DOK5: variants seen among roughly 807,000 people sequenced by gnomAD.
The protein encoded by DOK5 is docking protein 5, also known as downstream of tyrosine kinase 5.
DOK5 carries 27 observed loss-of-function variants against 43.3 expected under a neutral mutation model. The observed-to-expected ratio is 0.62, with a 90% CI of 0.46 to 0.86. The LOEUF (loss-of-function observed/expected upper bound fraction) is 0.86. Among genes scored for constraint, DOK5 ranks in the 40% least tolerant of loss-of-function variants. The probability of loss-of-function intolerance (pLI) is 0.00; values close to 1 mark genes in which losing one functional copy is unlikely to be tolerated. For missense variants in DOK5, 373 were observed against 392.9 expected (o/e 0.95, Z 0.43); for synonymous variants, 146 against 140.1 (o/e 1.04, Z -0.30).
chr20:54,478,539 T>A (rs1981531960), intron 1 of DOK5, among the ~76,000 whole-genome samples: 1 of 152,214 alleles, frequency 6.6e-6, no homozygotes. Context: ...TAGGAACTAA[T>A]ACAACAGCAT....
At chr20:54,571,228 C>T (rs1049758681) in intron 2 of DOK5, among the ~76,000 whole-genome samples, 2 of 152,126 alleles carry the variant, frequency 1.3e-5, no homozygotes, top group Non-Finnish European at 2.9e-5. Context: ...TTTTATTCCT[C>T]TTTATTCTTA....
chr20:54,617,367 G>T (rs147920053), intron 6 of DOK5, among the ~76,000 whole-genome samples: 1 of 151,644 alleles, frequency 6.6e-6, no homozygotes, highest in African/African-American at 2.4e-5. Context: ...GTCTTGCTCT[G>T]TTACCCAGGC....
intron 5 of DOK5, 117 bp downstream of exon 5, chr20:54,591,922 C>T: frequency 1.2e-6 from 1 of 832,866 alleles, no homozygotes; most frequent in Middle Eastern, 2.4e-4. Flanking sequence ...CTGAAGTACA[C>T]TTGAGGAAAT....
At chr20:54,608,109 G>A (rs896185059) in intron 5 of DOK5, among the ~76,000 whole-genome samples, 6 of 151,956 alleles carry the variant, frequency 3.9e-5, no homozygotes, top group South Asian at 2.1e-4. Context: ...TTCCTACGGC[G>A]GGTTGCAGTT....
chr20:54,536,493 A>T (rs1215855639), intron 1 of DOK5, among the ~76,000 whole-genome samples: 1 of 152,210 alleles, frequency 6.6e-6, no homozygotes, highest in Non-Finnish European at 1.5e-5. Context: ...CATTGCATGT[A>T]AATCAAACCT....
At chr20:54,563,771 C>T (rs931442887) in intron 2 of DOK5, among the ~76,000 whole-genome samples, 3 of 148,866 alleles carry the variant, frequency 2.0e-5, no homozygotes, top group Non-Finnish European at 4.4e-5. Flanking sequence ...TCGAGAGAAA[C>T]TGGAAGCAAA....
At chr20:54,509,507 A>G (rs926806806) in intron 1 of DOK5, among the ~76,000 whole-genome samples, 1 of 152,188 alleles carries the variant, frequency 6.6e-6, no homozygotes, top group Non-Finnish European at 1.5e-5. Context: ...AAAGATTTTA[A>G]TATATTTTCA....
At chr20:54,649,111 C>T (rs1270986445) in intron 7 of DOK5, among the ~76,000 whole-genome samples, 1 of 152,192 alleles carries the variant, frequency 6.6e-6, no homozygotes, top group Non-Finnish European at 1.5e-5. Context: ...TCCATGTAGC[C>T]TTATGGGGTT....
chr20:54,587,864 A>T (rs887824269), intron 2 of DOK5, among the ~76,000 whole-genome samples: 3 of 152,236 alleles, frequency 2.0e-5, no homozygotes, highest in Non-Finnish European at 2.9e-5. Flanking sequence ...GGAGTAAGTT[A>T]GAGACAGTGG....
chr20:54,585,344 A>G (rs1985770233), intron 2 of DOK5, among the ~76,000 whole-genome samples: 1 of 152,192 alleles, frequency 6.6e-6, no homozygotes, highest in South Asian at 2.1e-4. Context: ...CCAATTTCCT[A>G]AATGGGTAAT....
chr20:54,523,946 T>C (rs1226350319), intron 1 of DOK5, among the ~76,000 whole-genome samples: 1 of 152,178 alleles, frequency 6.6e-6, no homozygotes, highest in Non-Finnish European at 1.5e-5. Flanking sequence ...GAATTTTTTC[T>C]GCCTGCAGAA....
At chr20:54,496,542 T>C (rs1423713785) in intron 1 of DOK5, among the ~76,000 whole-genome samples, 6 of 151,670 alleles carry the variant, frequency 4.0e-5, no homozygotes, top group East Asian at 1.9e-4. Context: ...CCAAGGCGGG[T>C]GGATCAGGAG....
intron 5 of DOK5, among the ~76,000 whole-genome samples, chr20:54,603,646 G>A (rs186549842): frequency 6.6e-6 from 1 of 152,248 alleles, no homozygotes; most frequent in East Asian, 1.9e-4. Flanking sequence ...AGTAGAGGCC[G>A]GGGATGCTGC....
At chr20:54,554,911 C>A (rs1984657846) in intron 1 of DOK5, 22 bp from the exon 2 acceptor site, 1 of 1,472,052 alleles carries the variant, frequency 6.8e-7, no homozygotes, top group African/African-American at 1.4e-5. Flanking sequence ...ATGCTGAGCT[C>A]AGTCTTTGTA....
intron 1 of DOK5, among the ~76,000 whole-genome samples, chr20:54,536,330 T>C (rs900307138): frequency 2.0e-5 from 3 of 152,170 alleles, no homozygotes; most frequent in Admixed American, 2.0e-4. Context: ...ATTGTCTCCA[T>C]CAACTCTGAC....
intron 6 of DOK5, among the ~76,000 whole-genome samples, chr20:54,639,839 G>C (rs1979019835): frequency 6.6e-6 from 1 of 152,184 alleles, no homozygotes; most frequent in Non-Finnish European, 1.5e-5. Flanking sequence ...CAAACTTCTA[G>C]ATAAAGACAA....
At chr20:54,566,988 A>G (rs1180826241) in intron 2 of DOK5, among the ~76,000 whole-genome samples, 1 of 152,006 alleles carries the variant, frequency 6.6e-6, no homozygotes, top group East Asian at 1.9e-4. Context: ...TCTTCTATGA[A>G]ATGTCTCTTT....
intron 1 of DOK5, among the ~76,000 whole-genome samples, chr20:54,501,877 A>C (rs1982622761): frequency 6.6e-6 from 1 of 152,218 alleles, no homozygotes; most frequent in Non-Finnish European, 1.5e-5. Context: ...AAGACACTTA[A>C]TATTGGTTTC....
At chr20:54,574,246 A>C (rs1159374140) in intron 2 of DOK5, among the ~76,000 whole-genome samples, 1 of 152,094 alleles carries the variant, frequency 6.6e-6, no homozygotes, top group Non-Finnish European at 1.5e-5. Flanking sequence ...CCTTCTCAAT[A>C]GGACTAGATA....
Sources: gnomAD v4.1 joint callset for allele counts (sites outside exome capture counted in the v4.1 genomes callset) on GRCh38, gnomAD v4.1.1 for gene constraint, MANE v1.5 for transcripts, NCBI Gene and HGNC (gene_info 2026-07-23, HGNC 2026-07-21) for gene names.